The following RAB3B variants were observed in gnomAD, a reference collection of about 807,000 sequenced individuals.
RAB3B encodes the protein ras-related protein Rab-3B.
RAB3B carries 11 observed loss-of-function variants against 20.5 expected under a neutral mutation model. The observed-to-expected ratio is 0.54, with a 90% CI of 0.34 to 0.89. The LOEUF (loss-of-function observed/expected upper bound fraction) is 0.89. Ranked by LOEUF, RAB3B falls within the 40% of genes least tolerant of loss-of-function variation. The pLI is 0.02. For synonymous variants in RAB3B, 99 were observed against 106.3 expected (o/e 0.93, Z 0.42); for missense variants, 225 against 280.9 (o/e 0.80, Z 1.42).
chr1:51,919,883 G>A lies in RAB3B; in HGVS notation c.*44C>T. The A allele has an allele frequency of 3.8e-6, 6 of 1,565,984 alleles. No homozygotes were observed. In the South Asian group the frequency reaches 7.0e-5, roughly 18 times the overall value. The stretch of plus-strand genomic sequence containing the variant: ...GTGTGTAACAGGGAGAAGCAGACTG[G>A]GTGTGGGGCCACAATGAGGGGAGGT... On this transcript the variant is annotated 3_prime_UTR_variant, in exon 5 of 5. Coordinates refer to ENST00000371655, the MANE Select transcript of RAB3B (RefSeq NM_002867.4).
At chr1:51,984,320 T>C (rs1307170310) in intron 1 of RAB3B, among the ~76,000 whole-genome samples, 1 of 121,264 alleles carries the variant, frequency 8.2e-6, no homozygotes, top group African/African-American at 3.1e-5. Flanking sequence ...CTTTGAAAAC[T>C]CTAAAAAAAC....
intron 1 of RAB3B, among the ~76,000 whole-genome samples, chr1:51,986,143 C>T (rs912493407): frequency 1.6e-5 from 2 of 126,728 alleles, no homozygotes; most frequent in Non-Finnish European, 3.2e-5. Flanking sequence ...TCCATTTCTA[C>T]GAATTTTTTT....
intron 1 of RAB3B, chr1:51,980,682 G>T: frequency 1.3e-6 from 1 of 756,688 alleles, no homozygotes; most frequent in South Asian, 1.3e-5. Flanking sequence ...AGTATGTGAA[G>T]CTACATTACT....
intron 4 of RAB3B, 143 bp downstream of exon 4, chr1:51,933,175 C>G (rs1684350027): frequency 2.3e-6 from 2 of 861,174 alleles, no homozygotes; most frequent in Non-Finnish European, 3.5e-6. Context: ...AAATATAAAA[C>G]AATACACACA....
rs1210559095 is a variant in RAB3B, at chr1:51,916,048, G to C, written c.*3879C>G. 1 of 152,204 alleles carries C rather than the reference G, an allele frequency of 6.6e-6. No homozygotes were observed. Among genetic ancestry groups the C allele is most frequent in the African/African-American group, 2.4e-5 (1 of 41,448 alleles). The allele number at this position is 152,204 out of a possible 1,614,324, so 9.4% of individuals were successfully genotyped here. A position where few individuals can be genotyped will look rare whatever the true frequency, so the allele number is the denominator to read the frequency against. ...GATTGTTGAGGAAGATTAAATCCAG[G>C]ACAAGTTGCCACTAACACATATTAC... On this transcript the variant is annotated 3_prime_UTR_variant, in exon 5 of 5. Coordinates refer to ENST00000371655, the MANE Select transcript of RAB3B (RefSeq NM_002867.4).
At chr1:51,965,100 T>G (rs912663202) in intron 2 of RAB3B, among the ~76,000 whole-genome samples, 7 of 151,618 alleles carry the variant, frequency 4.6e-5, no homozygotes, top group Non-Finnish European at 5.9e-5. Context: ...ACACTTGTAA[T>G]CCCAGCCACT....
chr1:51,966,321 C>T (rs1482312329), intron 2 of RAB3B, among the ~76,000 whole-genome samples: 1 of 152,240 alleles, frequency 6.6e-6, no homozygotes, highest in African/African-American at 2.4e-5. Context: ...CTTTCTTCAT[C>T]CCTTTATTAC....
In RAB3B at chr1:51,933,422, T is replaced by C. The variant is rs776413002; in HGVS notation, c.368A>G (p.Tyr123Cys). 1.1e-5 allele frequency: 17 copies of C among 1,612,822 alleles called. No individual in the cohort carries two copies. Among genetic ancestry groups the C allele is most frequent in the Non-Finnish European group, 1.4e-5 (16 of 1,178,966 alleles). Residue 123 changes from tyrosine to cysteine, a missense_variant, in exon 4 of 5, where the codon TAC (tyrosine) becomes TGC (cysteine). Coordinates refer to ENST00000371655, the MANE Select transcript of RAB3B (RefSeq NM_002867.4). ...AATAACTTGTGCATTGTCCCAGGAG[T>C]AGGTCTTGATCTGAGTAGCCCTAAA... ...VQDWATQIKT[Y>C]SWDNAQVILV...
At chr1:51,963,171 C>A (rs1194936450) in intron 2 of RAB3B, among the ~76,000 whole-genome samples, 1 of 152,198 alleles carries the variant, frequency 6.6e-6, no homozygotes, top group Non-Finnish European at 1.5e-5. Flanking sequence ...ACAGTCATAT[C>A]CTGGACCTTA....
chr1:51,941,565 T>C (rs1185457913), intron 2 of RAB3B, among the ~76,000 whole-genome samples: 2 of 152,152 alleles, frequency 1.3e-5, no homozygotes, highest in Non-Finnish European at 2.9e-5. Context: ...TGGTGATAGA[T>C]TAGATGTGAA....
chr1:51,961,344 GT>G (rs1490516274), intron 2 of RAB3B, among the ~76,000 whole-genome samples: 1 of 152,154 alleles, frequency 6.6e-6, no homozygotes. Context: ...TAACACCTCC[GT>G]TTCTGAGAGT....
intron 1 of RAB3B, among the ~76,000 whole-genome samples, chr1:51,983,643 A>G (rs1010672021): frequency 2.0e-5 from 3 of 152,178 alleles, no homozygotes; most frequent in African/African-American, 4.8e-5. Context: ...AAAATTTAGT[A>G]GTACCAAAAG....
chr1:51,966,303 T>TA (rs1416673915), intron 2 of RAB3B, among the ~76,000 whole-genome samples: 1 of 152,268 alleles, frequency 6.6e-6, no homozygotes, highest in Non-Finnish European at 1.5e-5. Flanking sequence ...GTAGCTGTTC[T>TA]TACAACACTT....
chr1:51,958,648 G>A lies in RAB3B; in HGVS notation c.228+18242C>T, dbSNP rs369972385. Among the ~76,000 whole-genome samples the A allele has an allele frequency of 9.2e-5, 14 of 152,154 alleles. No individual in the cohort carries two copies. The East Asian group carries it at 1.9e-3, about 21-fold the overall frequency. ...TGAGGCAGGAGAATCACTTGAACCC[G>A]GGAGGCGGAGGTTGCGGTGAGCCGA... On this transcript the variant is annotated intron_variant, in intron 2 of 4. Transcript: ENST00000371655.
chr1:51,917,024 T>C lies in RAB3B; in HGVS notation c.*2903A>G, dbSNP rs1183084248. ...AGAATGTGGTTAAGAGCACAGACCTTGGAGCCTACTGCCTGGATGTGAACT... is the reference window on the plus strand; with the variant it reads ...AGAATGTGGTTAAGAGCACAGACCTCGGAGCCTACTGCCTGGATGTGAACT... On this transcript the variant is annotated 3_prime_UTR_variant, in exon 5 of 5. Coordinates refer to ENST00000371655, the MANE Select transcript of RAB3B (RefSeq NM_002867.4). 1 of 152,202 alleles carries C rather than the reference T, an allele frequency of 6.6e-6. No homozygotes were observed. The highest frequency in any genetic ancestry group is 2.4e-5 in the African/African-American group (1 of 41,442). The allele number at this position is 152,202 out of a possible 1,614,324, so 9.4% of individuals were successfully genotyped here.
At chr1:51,968,459 C>A (rs1684885803) in intron 2 of RAB3B, among the ~76,000 whole-genome samples, 2 of 152,170 alleles carry the variant, frequency 1.3e-5, no homozygotes. Flanking sequence ...ATTTATTGGG[C>A]TCATAATTTC....
At chr1:51,980,683 C>T in intron 1 of RAB3B, 1 of 756,652 alleles carries the variant, frequency 1.3e-6, no homozygotes, top group Non-Finnish European at 2.4e-6. Flanking sequence ...GTATGTGAAG[C>T]TACATTACTA....
At chr1:51,984,212 G>A (rs185395082) in intron 1 of RAB3B, among the ~76,000 whole-genome samples, 1,507 of 131,902 alleles carry the variant, frequency 0.011, 42 homozygotes, top group African/African-American at 0.041. Flanking sequence ...TACAGTGAGC[G>A]GAGATTGTGC....
chr1:51,960,723 T>C (rs1005774324), intron 2 of RAB3B, among the ~76,000 whole-genome samples: 4 of 152,094 alleles, frequency 2.6e-5, no homozygotes, highest in Non-Finnish European at 5.9e-5. Flanking sequence ...TCTCCATCCA[T>C]TGAAAATGGG....
Sources: allele counts gnomAD v4.1 joint callset (sites outside exome capture counted in the v4.1 genomes callset), GRCh38; gene constraint gnomAD v4.1.1; transcripts MANE v1.5; gene names NCBI Gene and HGNC (gene_info 2026-07-23, HGNC 2026-07-21).